ENOX1: variants seen among roughly 807,000 people sequenced by gnomAD.
The protein encoded by ENOX1 is candidate growth-related and time keeping constitutive hydroquinone (NADH) oxidase.
Under a neutral mutation model 82.5 loss-of-function variants are expected in ENOX1, and 42 were observed. The observed-to-expected ratio is 0.51, with a 90% CI of 0.40 to 0.66. The LOEUF (loss-of-function observed/expected upper bound fraction) is 0.66, where lower values mean the gene tolerates loss of function less well. Ranked by LOEUF, ENOX1 falls within the 30% of genes least tolerant of loss-of-function variation. The pLI is 0.00. For synonymous variants in ENOX1, 271 were observed against 282.2 expected (o/e 0.96, Z 0.40); for missense variants, 608 against 811.6 (o/e 0.75, Z 3.05).
intron 2 of ENOX1, among the ~76,000 whole-genome samples, chr13:43,628,712 T>A (rs2149690): frequency 0.036 from 5,464 of 152,310 alleles, 303 homozygotes; most frequent in African/African-American, 0.12. Flanking sequence ...CTCTGAGACC[T>A]TGAACCTTAT....
chr13:43,308,088 A>G (rs1182371636), intron 11 of ENOX1, among the ~76,000 whole-genome samples: 2 of 152,210 alleles, frequency 1.3e-5, no homozygotes, highest in African/African-American at 4.8e-5. Context: ...TCCTAGAGGT[A>G]GAGAAAGGCA....
intron 1 of ENOX1, among the ~76,000 whole-genome samples, chr13:43,671,543 TAC>T (rs1304468985): frequency 6.6e-6 from 1 of 152,198 alleles, no homozygotes; most frequent in Non-Finnish European, 1.5e-5. Flanking sequence ...TCTCTACACA[TAC>T]CCCATTATTA....
chr13:43,253,847 C>T (rs2043598400), intron 14 of ENOX1, among the ~76,000 whole-genome samples: 1 of 152,168 alleles, frequency 6.6e-6, no homozygotes, highest in Non-Finnish European at 1.5e-5. Context: ...TCCATAGATG[C>T]TACTGAATGT....
chr13:43,503,642 T>C (rs543449852), intron 2 of ENOX1, among the ~76,000 whole-genome samples: 88 of 151,770 alleles, frequency 5.8e-4, no homozygotes, highest in African/African-American at 2.0e-3. Context: ...GTGGAAAAAG[T>C]GGACATCCAT....
At chr13:43,611,052 T>C (rs1035641024) in intron 2 of ENOX1, among the ~76,000 whole-genome samples, 1 of 152,216 alleles carries the variant, frequency 6.6e-6, no homozygotes, top group Non-Finnish European at 1.5e-5. Context: ...AGTTCAATAA[T>C]GGCAGCAACT....
At chr13:43,248,165 G>A (rs1236627712) in intron 14 of ENOX1, among the ~76,000 whole-genome samples, 2 of 151,432 alleles carry the variant, frequency 1.3e-5, no homozygotes, top group African/African-American at 4.9e-5. Context: ...GATTACAGGC[G>A]TGAGCCACCG....
intron 3 of ENOX1, among the ~76,000 whole-genome samples, chr13:43,435,980 G>A (rs1194443117): frequency 6.6e-6 from 1 of 151,610 alleles, no homozygotes; most frequent in Admixed American, 6.6e-5. Context: ...GAGAGAAAGT[G>A]CGCAGGCAGC....
At chr13:43,577,554 A>C (rs771639598) in intron 2 of ENOX1, among the ~76,000 whole-genome samples, 7 of 152,228 alleles carry the variant, frequency 4.6e-5, no homozygotes, top group Non-Finnish European at 8.8e-5. Flanking sequence ...GTGGCGGAAA[A>C]GACAAAAGGG....
At chr13:43,375,448 A>G (rs1181351156) in intron 5 of ENOX1, among the ~76,000 whole-genome samples, 1 of 152,168 alleles carries the variant, frequency 6.6e-6, no homozygotes, top group East Asian at 1.9e-4. Context: ...CTCATTCAAC[A>G]TGTATTAATT....
chr13:43,596,589 T>C (rs1358564814), intron 2 of ENOX1, among the ~76,000 whole-genome samples: 5 of 152,340 alleles, frequency 3.3e-5, no homozygotes, highest in Admixed American at 1.3e-4. Flanking sequence ...AACCTAGCAT[T>C]ATTTTTTTCT....
chr13:43,285,889 C>A (rs182876574), intron 12 of ENOX1, among the ~76,000 whole-genome samples: 11 of 150,112 alleles, frequency 7.3e-5, no homozygotes, highest in African/African-American at 2.7e-4. Flanking sequence ...TTTCTTTGTC[C>A]CCCCATCAAA....
At chr13:43,291,706 G>A (rs1202317166) in intron 12 of ENOX1, among the ~76,000 whole-genome samples, 1 of 152,192 alleles carries the variant, frequency 6.6e-6, no homozygotes, top group African/African-American at 2.4e-5. Flanking sequence ...CTGGGTTAAA[G>A]GTAAAGGCCC....
chr13:43,380,631 G>A (rs2051974929), intron 5 of ENOX1, among the ~76,000 whole-genome samples: 1 of 151,452 alleles, frequency 6.6e-6, no homozygotes, highest in Non-Finnish European at 1.5e-5. Context: ...TATCAGATTG[G>A]ATATAAAAAC....
chr13:43,350,387 A>G (rs762699864), intron 8 of ENOX1, among the ~76,000 whole-genome samples: 3 of 152,214 alleles, frequency 2.0e-5, no homozygotes, highest in Non-Finnish European at 4.4e-5. Flanking sequence ...TACCTGGTGA[A>G]TTTTAATTAA....
At chr13:43,358,967 A>C (rs2050322507) in intron 7 of ENOX1, among the ~76,000 whole-genome samples, 1 of 152,242 alleles carries the variant, frequency 6.6e-6, no homozygotes, top group Non-Finnish European at 1.5e-5. Context: ...CAGTATTGGA[A>C]TAACCTCAAG....
At chr13:43,654,582 A>AAATTAATGT (rs1250456511) in intron 2 of ENOX1, among the ~76,000 whole-genome samples, 4 of 152,186 alleles carry the variant, frequency 2.6e-5, no homozygotes, top group African/African-American at 9.7e-5. Flanking sequence ...TGCAATGTAA[A>AAATTAATGT]AATTAATGTA....
At chr13:43,775,375 C>G (rs1157885730) in intron 1 of ENOX1, among the ~76,000 whole-genome samples, 1 of 152,146 alleles carries the variant, frequency 6.6e-6, no homozygotes, top group Non-Finnish European at 1.5e-5. Context: ...CTCTTAGTCT[C>G]AAGTGACCCT....
chr13:43,643,827 A>T (rs1434828591), intron 2 of ENOX1, among the ~76,000 whole-genome samples: 1 of 152,082 alleles, frequency 6.6e-6, no homozygotes, highest in African/African-American at 2.4e-5. Context: ...AAACACATTA[A>T]CTTTCCTCTC....
chr13:43,422,781 G>A (rs552236793), intron 3 of ENOX1, among the ~76,000 whole-genome samples: 57 of 152,090 alleles, frequency 3.7e-4, no homozygotes, highest in African/African-American at 1.2e-3. Flanking sequence ...AATATCACTC[G>A]GCATTACAAA....
Sources: allele counts gnomAD v4.1 joint callset (sites outside exome capture counted in the v4.1 genomes callset), GRCh38; gene constraint gnomAD v4.1.1; transcripts MANE v1.5; gene names NCBI Gene and HGNC (gene_info 2026-07-23, HGNC 2026-07-21).